Variants in DOCK4 observed in about 807,000 individuals in gnomAD.
DOCK4 encodes the protein dedicator of cytokinesis 4, also known as dedicator of cytokinesis protein 4.
Under a neutral mutation model 268.1 loss-of-function variants are expected in DOCK4, and 97 were observed. The observed-to-expected ratio is 0.36, with a 90% confidence interval of 0.31 to 0.43. The LOEUF (loss-of-function observed/expected upper bound fraction) is 0.43, where lower values mean the gene tolerates loss of function less well. Among genes scored for constraint, DOCK4 ranks in the 20% least tolerant of loss-of-function variants. The probability of loss-of-function intolerance (pLI) is 1.00; values close to 1 mark genes in which losing one functional copy is unlikely to be tolerated. For missense variants in DOCK4, 2,145 were observed against 2,455.7 expected (o/e 0.87, Z 2.67); for synonymous variants, 954 against 887.2 (o/e 1.08, Z -1.34).
chr7:112,000,374 C>A, intron 3 of DOCK4, 120 bp downstream of exon 3: 1 of 599,138 alleles, frequency 1.7e-6, no homozygotes, highest in South Asian at 2.8e-5. Flanking sequence ...TAAAAATTTG[C>A]AATATCATTT....
chr7:111,770,675 C>A (rs1321522540), intron 36 of DOCK4, among the ~76,000 whole-genome samples: 1 of 152,126 alleles, frequency 6.6e-6, no homozygotes, highest in Non-Finnish European at 1.5e-5. Context: ...GTCATAATAG[C>A]CTACTCAATT....
intron 1 of DOCK4, among the ~76,000 whole-genome samples, chr7:112,151,282 A>G (rs1040490572): frequency 6.6e-6 from 1 of 152,056 alleles, no homozygotes; most frequent in Non-Finnish European, 1.5e-5. Flanking sequence ...CAGTTTCCTC[A>G]TGTGTAGAAT....
intron 5 of DOCK4, among the ~76,000 whole-genome samples, chr7:111,992,793 C>T (rs949485870): frequency 3.3e-5 from 5 of 152,086 alleles, no homozygotes; most frequent in Non-Finnish European, 7.4e-5. Flanking sequence ...ACTCTTATAT[C>T]GGGTATTTGG....
chr7:112,101,229 C>T (rs966622343), intron 1 of DOCK4, among the ~76,000 whole-genome samples: 1 of 152,188 alleles, frequency 6.6e-6, no homozygotes, highest in Non-Finnish European at 1.5e-5. Context: ...AATTCAGCTC[C>T]ATTATCCCAG....
At chr7:111,865,411 G>T (rs1400262373) in intron 22 of DOCK4, among the ~76,000 whole-genome samples, 3 of 152,200 alleles carry the variant, frequency 2.0e-5, no homozygotes, top group Non-Finnish European at 4.4e-5. Context: ...GCCTCTAGAA[G>T]ACAGGGTTTG....
At chr7:111,990,804 T>G (rs1799462241) in intron 5 of DOCK4, among the ~76,000 whole-genome samples, 1 of 152,206 alleles carries the variant, frequency 6.6e-6, no homozygotes, top group Admixed American at 6.5e-5. Flanking sequence ...GTCCATGTCC[T>G]CCCTGTGGCT....
At chr7:112,010,017 A>G (rs1416255105) in intron 1 of DOCK4, among the ~76,000 whole-genome samples, 5 of 152,152 alleles carry the variant, frequency 3.3e-5, no homozygotes, top group Non-Finnish European at 5.9e-5. Flanking sequence ...GGGTTTCGCC[A>G]TATTGCTCAG....
chr7:111,726,392 C>G lies in DOCK4; in HGVS notation c.*1882G>C, dbSNP rs1794655597. ...ATCAAGGAAGCTTTGTTATCTTATGCATGTCATCTTATTTAAATGGAAGGT... is the reference window on the plus strand; with the variant it reads ...ATCAAGGAAGCTTTGTTATCTTATGGATGTCATCTTATTTAAATGGAAGGT... On this transcript the variant is annotated 3_prime_UTR_variant, in exon 53 of 53. Transcript: ENST00000428084. 1 of 152,432 alleles carries G rather than the reference C, an allele frequency of 6.6e-6. No homozygotes were observed. Among genetic ancestry groups the G allele is most frequent in the Non-Finnish European group, 1.5e-5 (1 of 68,028 alleles). The allele number at this position is 152,432 out of a possible 1,614,324, so 9.4% of individuals were successfully genotyped here.
At chr7:111,801,333 T>C (rs1248178982) in intron 30 of DOCK4, among the ~76,000 whole-genome samples, 1 of 152,212 alleles carries the variant, frequency 6.6e-6, no homozygotes, top group African/African-American at 2.4e-5. Flanking sequence ...AGTCTCTTTG[T>C]TTCAAGCCTC....
intron 1 of DOCK4, among the ~76,000 whole-genome samples, chr7:112,126,878 T>C (rs952539114): frequency 6.6e-6 from 1 of 151,956 alleles, no homozygotes; most frequent in Non-Finnish European, 1.5e-5. Context: ...TCACACCAGG[T>C]AGAATGGCAA....
chr7:112,001,213 C>T (rs545138004), intron 2 of DOCK4, among the ~76,000 whole-genome samples: 64 of 152,244 alleles, frequency 4.2e-4, no homozygotes, highest in Admixed American at 9.2e-4. Context: ...TTCTTATCTG[C>T]GGTTTCACTT....
intron 28 of DOCK4, among the ~76,000 whole-genome samples, chr7:111,811,662 A>G (rs1801142436): frequency 6.6e-6 from 1 of 152,172 alleles, no homozygotes; most frequent in South Asian, 2.1e-4. Flanking sequence ...TAAAATGTAT[A>G]GTAACAATAA....
intron 1 of DOCK4, among the ~76,000 whole-genome samples, chr7:112,186,416 G>A (rs900904541): frequency 9.9e-5 from 15 of 152,194 alleles, no homozygotes; most frequent in African/African-American, 3.6e-4. Context: ...TGTGATCCTG[G>A]ACAGGTTCTA....
chr7:111,842,568 GAGA>G (rs1803783644), intron 25 of DOCK4, among the ~76,000 whole-genome samples: 1 of 152,206 alleles, frequency 6.6e-6, no homozygotes, highest in African/African-American at 2.4e-5. Context: ...AGTGGAGCCA[GAGA>G]AGGTCAAACA....
In DOCK4 at chr7:111,871,250, T is replaced by C. The variant is rs116101382; in HGVS notation, c.2027+740A>G. On this transcript the variant is annotated intron_variant, in intron 20 of 52. Transcript: ENST00000428084. ...ATATGGGAGAACAGCAAGGACCATA[T>C]TGGACTGGGAGACAGACGATGGGGT... 9.8e-3 allele frequency among the ~76,000 whole-genome samples: 1,496 copies of C among 152,300 alleles called. 18 individuals are homozygous for C. The highest frequency in any genetic ancestry group is 0.034 in the African/African-American group (1,409 of 41,556).
At chr7:111,873,977 T>C (rs1015484531) in intron 17 of DOCK4, among the ~76,000 whole-genome samples, 12 of 152,172 alleles carry the variant, frequency 7.9e-5, no homozygotes, top group Non-Finnish European at 1.5e-4. Flanking sequence ...CATCCTGGGG[T>C]ATGACTGAAA....
chr7:112,056,238 T>C (rs1359685965), intron 1 of DOCK4, among the ~76,000 whole-genome samples: 2 of 152,206 alleles, frequency 1.3e-5, no homozygotes, highest in Non-Finnish European at 2.9e-5. Flanking sequence ...AAAGGGGTTA[T>C]GTGGCTTTAT....
chr7:111,760,020 T>C (rs1797277380), intron 40 of DOCK4, among the ~76,000 whole-genome samples, 161 bp downstream of exon 40: 1 of 152,190 alleles, frequency 6.6e-6, no homozygotes, highest in Admixed American at 6.5e-5. Context: ...TTAAGTTCTA[T>C]TCAGAAGGAG....
At chr7:112,070,889 C>T (rs374325872) in intron 1 of DOCK4, among the ~76,000 whole-genome samples, 14 of 152,244 alleles carry the variant, frequency 9.2e-5, no homozygotes, top group African/African-American at 2.9e-4. Flanking sequence ...CAGCTGGTGT[C>T]GTGTACATGG....
Sources: allele counts gnomAD v4.1 joint callset (sites outside exome capture counted in the v4.1 genomes callset), GRCh38; gene constraint gnomAD v4.1.1; transcripts MANE v1.5; gene names NCBI Gene and HGNC (gene_info 2026-07-23, HGNC 2026-07-21).